The following INPP5D variants were observed in gnomAD, a reference collection of about 807,000 sequenced individuals.
INPP5D encodes the protein inositol polyphosphate-5-phosphatase D.
A neutral mutation model predicts 122.9 loss-of-function variants in INPP5D; 33 were observed. The ratio of observed to expected loss-of-function variants is 0.27; its 90% confidence interval spans 0.20 to 0.36. The LOEUF (loss-of-function observed/expected upper bound fraction) is 0.36, where lower values mean the gene tolerates loss of function less well. INPP5D is among the 10% of genes least tolerant of loss of function. The probability of loss-of-function intolerance (pLI) is 1.00; values close to 1 mark genes in which losing one functional copy is unlikely to be tolerated. For synonymous variants in INPP5D, 584 were observed against 576.2 expected, an observed-to-expected ratio of 1.01 and a Z score of -0.19; for missense variants, 1,053 against 1,412.7, an observed-to-expected ratio of 0.75 and a Z score of 4.08.
In INPP5D at chr2:233,078,648, TC is replaced by T. The variant is rs1691590119; in HGVS notation, c.135-686del. Among the ~76,000 whole-genome samples the T allele has an allele frequency of 6.6e-6, 1 of 152,074 alleles. No individual in the cohort carries two copies. The highest frequency in any genetic ancestry group is 2.1e-4 in the South Asian group (1 of 4,828). On this transcript the variant is annotated intron_variant, in intron 1 of 26. Coordinates refer to ENST00000445964, the MANE Select transcript of INPP5D (RefSeq NM_001017915.3). The surrounding 1 kb of genome is among the most constrained non-coding windows in gnomAD (Gnocchi z 4.6). Reference sequence around the variant, plus strand: ...TTGGGCCCACTGGAGTCGTGTTTCTTCTTCAAACACCCCCTCTTTTTTGTTG... The same window carrying T: ...TTGGGCCCACTGGAGTCGTGTTTCTTTTCAAACACCCCCTCTTTTTTGTTG...
intron 2 of INPP5D, among the ~76,000 whole-genome samples, chr2:233,117,418 C>T (rs896654728): frequency 2.6e-5 from 4 of 152,196 alleles, no homozygotes; most frequent in African/African-American, 9.6e-5. Flanking sequence ...CCTGCTTTCT[C>T]ATTGGGTTTG....
chr2:233,089,923 C>T (rs892775425), intron 2 of INPP5D, among the ~76,000 whole-genome samples: 6 of 152,228 alleles, frequency 3.9e-5, no homozygotes, highest in African/African-American at 1.2e-4. Context: ...ATGAATGGCC[C>T]AGCCATGCCT....
intron 9 of INPP5D, among the ~76,000 whole-genome samples, chr2:233,153,949 GC>G (rs1447176344): frequency 2.6e-5 from 4 of 152,146 alleles, no homozygotes; most frequent in Non-Finnish European, 5.9e-5. Context: ...AACTTGATCA[GC>G]CCAGGGGCAA....
intron 2 of INPP5D, among the ~76,000 whole-genome samples, chr2:233,119,785 G>C (rs1692916958): frequency 6.6e-6 from 1 of 152,188 alleles, no homozygotes; most frequent in South Asian, 2.1e-4. Context: ...TAGCCACCCA[G>C]GCACAAGGGC....
At chr2:233,102,781 C>T (rs904158619) in intron 2 of INPP5D, among the ~76,000 whole-genome samples, 9 of 148,276 alleles carry the variant, frequency 6.1e-5, no homozygotes, top group East Asian at 4.1e-4. Context: ...ACCCGGGAAG[C>T]GGAGCTTGCA....
At chr2:233,101,714 A>G (rs1033863260) in intron 2 of INPP5D, among the ~76,000 whole-genome samples, 2 of 145,952 alleles carry the variant, frequency 1.4e-5, no homozygotes, top group African/African-American at 2.5e-5. Flanking sequence ...TATAAATAAT[A>G]TATATTATAT....
intron 1 of INPP5D, among the ~76,000 whole-genome samples, chr2:233,065,784 T>C (rs1167935041): frequency 2.6e-5 from 4 of 151,782 alleles, no homozygotes; most frequent in Non-Finnish European, 5.9e-5. Flanking sequence ...GTAGCTGGGA[T>C]TACAGGTACC....
chr2:233,134,107 G>T (rs1288722564), intron 5 of INPP5D: 3 of 437,538 alleles, frequency 6.9e-6, no homozygotes, highest in African/African-American at 6.0e-5. Context: ...CAGTGTGAGG[G>T]GCTGAGTGGA....
intron 2 of INPP5D, among the ~76,000 whole-genome samples, chr2:233,116,734 T>C (rs1463948287): frequency 6.6e-6 from 1 of 152,012 alleles, no homozygotes; most frequent in Non-Finnish European, 1.5e-5. Context: ...GTAGCTGGGA[T>C]TACAGGCGCC....
chr2:233,076,062 C>T (rs1691511777), intron 1 of INPP5D, among the ~76,000 whole-genome samples: 1 of 152,168 alleles, frequency 6.6e-6, no homozygotes, highest in Non-Finnish European at 1.5e-5. Context: ...GTTCTGTGCG[C>T]CTGCCTCTGA....
chr2:233,146,794 G>T (rs1693772336), intron 8 of INPP5D, among the ~76,000 whole-genome samples: 1 of 150,630 alleles, frequency 6.6e-6, no homozygotes, highest in Non-Finnish European at 1.5e-5. Context: ...AAAAAATCGT[G>T]CGATTCCTGT....
chr2:233,165,351 TGA>T (rs1289339953), intron 13 of INPP5D, among the ~76,000 whole-genome samples: 7 of 141,534 alleles, frequency 4.9e-5, no homozygotes, highest in African/African-American at 8.4e-5. Flanking sequence ...TCTATGTGTG[TGA>T]GTGTCTGTAT....
At chr2:233,065,833 G>A (rs1268726582) in intron 1 of INPP5D, among the ~76,000 whole-genome samples, 1 of 151,730 alleles carries the variant, frequency 6.6e-6, no homozygotes, top group Admixed American at 6.6e-5. Flanking sequence ...TTTTAGTAGC[G>A]ATGGGGTTTC....
At chr2:233,184,234 T>C (rs1168638769) in intron 19 of INPP5D, among the ~76,000 whole-genome samples, 174 bp from the exon 20 acceptor site, 1 of 151,972 alleles carries the variant, frequency 6.6e-6, no homozygotes, top group Admixed American at 6.6e-5. Context: ...ATCAGAGAGG[T>C]TGAGGATGCT....
intron 3 of INPP5D, among the ~76,000 whole-genome samples, chr2:233,123,461 A>C (rs1423181258): frequency 6.6e-6 from 1 of 151,906 alleles, no homozygotes; most frequent in Non-Finnish European, 1.5e-5. Context: ...TCAAAAAAAA[A>C]AAAAAAAATT....
At chr2:233,196,616 T>G (rs546380432) in intron 24 of INPP5D, among the ~76,000 whole-genome samples, 159 of 152,290 alleles carry the variant, frequency 1.0e-3, no homozygotes, top group Non-Finnish European at 1.5e-3. Context: ...TGGCAGAGAC[T>G]GAACTGAGAA....
At chr2:233,122,394 A>G in intron 3 of INPP5D, 137 bp downstream of exon 3, 1 of 901,124 alleles carries the variant, frequency 1.1e-6, no homozygotes, top group Non-Finnish European at 1.6e-6. Flanking sequence ...AGTTAGGAAC[A>G]CAGGCTCTCT....
intron 21 of INPP5D, among the ~76,000 whole-genome samples, chr2:233,186,175 C>CTAGA (rs1348430588): frequency 1.4e-4 from 22 of 152,154 alleles, no homozygotes; most frequent in Non-Finnish European, 1.0e-4. Flanking sequence ...CAGAAGGGAT[C>CTAGA]TAGAGGTCAG....
intron 9 of INPP5D, 46 bp downstream of exon 9, chr2:233,147,640 G>A (rs534076829): frequency 5.7e-6 from 4 of 697,694 alleles, no homozygotes; most frequent in South Asian, 1.5e-5. Context: ...ACCTGCCTGT[G>A]GAATTCCTGC....
Sources: gnomAD v4.1 joint callset for allele counts (sites outside exome capture counted in the v4.1 genomes callset) on GRCh38, gnomAD v4.1.1 for gene constraint, Gnocchi (gnomAD v3.1) non-coding constraint, MANE v1.5 for transcripts, NCBI Gene and HGNC (gene_info 2026-07-23, HGNC 2026-07-21) for gene names.